Variants in RHBDL2 observed in about 807,000 individuals in gnomAD.
RHBDL2 encodes rhomboid like 2, also known as rhomboid-related protein 2.
RHBDL2 carries 26 observed loss-of-function variants against 31.7 expected under a neutral mutation model. The ratio of observed to expected loss-of-function variants is 0.82; its 90% CI spans 0.60 to 1.14. The LOEUF (loss-of-function observed/expected upper bound fraction) is 1.14. Among genes scored for constraint, RHBDL2 ranks in the 50% most tolerant of loss-of-function variants. RHBDL2 has a pLI of 0.00. For synonymous variants in RHBDL2, 123 were observed against 127.2 expected (o/e 0.97, Z 0.22); for missense variants, 336 against 364.4 (o/e 0.92, Z 0.63).
chr1:38,897,665 T>C (rs1570916088), intron 4 of RHBDL2, among the ~76,000 whole-genome samples: 1 of 152,108 alleles, frequency 6.6e-6, no homozygotes, highest in East Asian at 1.9e-4. Context: ...CAGTGAGCTA[T>C]CATCGTGCCA....
chr1:38,886,202 G>A lies in RHBDL2; in HGVS notation c.*302C>T, dbSNP rs773362650. 6 of 170,102 alleles carry A rather than the reference G, an allele frequency of 3.5e-5. No individual in the cohort carries two copies. Among genetic ancestry groups the A allele is most frequent in the Admixed American group, 6.3e-5 (1 of 15,778 alleles). The allele number at this position is 170,102 out of a possible 1,614,324, so 10.5% of individuals were successfully genotyped here. Reference sequence around the variant, plus strand: ...CTCATGACCTCAGGTGATTTCACCCGCCTCAGCCTCCCAAAGTGCTGGGAT... The same window carrying A: ...CTCATGACCTCAGGTGATTTCACCCACCTCAGCCTCCCAAAGTGCTGGGAT... On this transcript the variant is annotated 3_prime_UTR_variant, in exon 8 of 8. Transcript: ENST00000372990.
intron 6 of RHBDL2, among the ~76,000 whole-genome samples, chr1:38,892,405 C>A (rs1156649504): frequency 6.6e-6 from 1 of 152,088 alleles, no homozygotes; most frequent in Non-Finnish European, 1.5e-5. Context: ...TATTGTGGTT[C>A]AAGTAGAGGG....
intron 4 of RHBDL2, among the ~76,000 whole-genome samples, chr1:38,903,511 G>A (rs1278819564): frequency 6.6e-6 from 1 of 152,072 alleles, no homozygotes; most frequent in Non-Finnish European, 1.5e-5. Flanking sequence ...AGATAAATCT[G>A]ACCAAAAACT....
chr1:38,936,812 T>A (rs1286514754), intron 1 of RHBDL2, among the ~76,000 whole-genome samples: 1 of 151,810 alleles, frequency 6.6e-6, no homozygotes, highest in East Asian at 1.9e-4. Context: ...TTTTGTATTT[T>A]TAGTAGAGAC....
chr1:38,927,894 C>T (rs1643395425), intron 1 of RHBDL2, among the ~76,000 whole-genome samples: 1 of 152,076 alleles, frequency 6.6e-6, no homozygotes. Flanking sequence ...AAGTAACTTA[C>T]TCAAGGTCTC....
At chr1:38,895,943 G>C in intron 5 of RHBDL2, 26 bp downstream of exon 5, 1 of 1,464,488 alleles carries the variant, frequency 6.8e-7, no homozygotes, top group Non-Finnish European at 9.5e-7. Flanking sequence ...TAAGAGACTC[G>C]TGGACTCCAT....
At chr1:38,939,619 C>G (rs994590409) in intron 1 of RHBDL2, among the ~76,000 whole-genome samples, 2 of 152,130 alleles carry the variant, frequency 1.3e-5, no homozygotes, top group African/African-American at 4.8e-5. Context: ...CGCCACTGCA[C>G]TCCAGCCTGG....
rs547790628 is a variant in RHBDL2, at chr1:38,920,607, C to CTT, written c.-125-1272_-125-1271dup. Among the ~76,000 whole-genome samples, 435 of 129,046 alleles carry CTT rather than the reference C, an allele frequency of 3.4e-3. 5 individuals are homozygous for CTT. The highest frequency in any genetic ancestry group is 0.011 in the African/African-American group (402 of 35,530). 84.7% of individuals were successfully genotyped at this position (129,046 alleles called of 152,430 possible). A position where few individuals can be genotyped will look rare whatever the true frequency, so the allele number is the denominator to read the frequency against. On this transcript the variant is annotated intron_variant, in intron 1 of 7. Coordinates refer to ENST00000372990, the MANE Select transcript of RHBDL2 (RefSeq NM_017821.5). ...GTGAACATCCCTGTACAAGTTTTCT[C>CTT]TTTTTTTTTTTTTTTTTGAGACAGA...
In RHBDL2 at chr1:38,891,145, T is replaced by C. The variant is rs1642848658; in HGVS notation, c.670+2019A>G. Reference sequence around the variant, plus strand: ...TTAGCCAGGCATGGTGGCATGCACCTGTTGACAGGAGAGGCTGAGACAGGA... The same window carrying C: ...TTAGCCAGGCATGGTGGCATGCACCCGTTGACAGGAGAGGCTGAGACAGGA... On this transcript the variant is annotated intron_variant, in intron 6 of 7. Coordinates refer to ENST00000372990, the MANE Select transcript of RHBDL2 (RefSeq NM_017821.5). 2.7e-5 allele frequency among the ~76,000 whole-genome samples: 4 copies of C among 150,484 alleles called. No homozygotes were observed. The Admixed American group carries it at 2.7e-4, about 10-fold the overall frequency.
intron 6 of RHBDL2, among the ~76,000 whole-genome samples, chr1:38,892,200 A>T (rs3790443): frequency 0.13 from 18,947 of 150,536 alleles, 1,527 homozygotes; most frequent in Non-Finnish European, 0.18. Flanking sequence ...CGCTCCCCCA[A>T]CTCTCTATCA....
rs781660441 is a variant in RHBDL2 at position 38,919,375 on chromosome 1, T to C, written c.-125-38A>G. The C allele has an allele frequency of 2.0e-6, 3 of 1,520,886 alleles. No individual in the cohort carries two copies. In the East Asian group the frequency reaches 6.9e-5, roughly 35 times the overall value. The allele number at this position is 1,520,886 out of a possible 1,614,324, so 94.2% of individuals were successfully genotyped here. On this transcript the variant is annotated intron_variant, in intron 1 of 7. Transcript: ENST00000372990. The stretch of plus-strand genomic sequence containing the variant: ...AGAAGACAGCTGAAGATGATCAAAA[T>C]GATCTAAACCTCCTAAATGGCCCAA...
At chr1:38,928,899 A>G (rs1643409656) in intron 1 of RHBDL2, among the ~76,000 whole-genome samples, 1 of 151,844 alleles carries the variant, frequency 6.6e-6, no homozygotes, top group African/African-American at 2.4e-5. Flanking sequence ...TTTCTCTACA[A>G]AAAAAAATTA....
intron 1 of RHBDL2, among the ~76,000 whole-genome samples, chr1:38,928,091 C>G (rs1223300163): frequency 6.6e-6 from 1 of 151,180 alleles, no homozygotes; most frequent in African/African-American, 2.4e-5. Context: ...GATCCTGTCT[C>G]TGAAATAAAT....
intron 3 of RHBDL2, among the ~76,000 whole-genome samples, chr1:38,912,910 A>ATATATATATATGTGTGTG (rs1399583863): frequency 8.0e-4 from 33 of 41,364 alleles, no homozygotes; most frequent in African/African-American, 3.0e-3. Context: ...ATATATATAT[A>ATATATATATATGTGTGTG]TGTGTGTGTG....
In RHBDL2 at chr1:38,911,338, C is replaced by T; in HGVS notation, c.492G>A (p.Leu164=). The change falls in exon 4 of 8, where the codon CTG becomes CTA. Residue 164 remains leucine, a synonymous_variant. Transcript: ENST00000372990. ...HKGLRVGLVY[L]AGVIAGSLAS... ...AACACTGACCTGCAATCACTCCTGCCAGGTACACCAGCCCCACACGGAGGC... is the reference window on the plus strand; with the variant it reads ...AACACTGACCTGCAATCACTCCTGCTAGGTACACCAGCCCCACACGGAGGC... 1 of 1,612,548 alleles carries T rather than the reference C, an allele frequency of 6.2e-7. No individual in the cohort carries two copies. Among genetic ancestry groups the T allele is most frequent in the East Asian group, 2.2e-5 (1 of 44,862 alleles).
rs544803360 is a variant in RHBDL2, at chr1:38,916,939, A to G, written c.247-1229T>C. Among the ~76,000 whole-genome samples the G allele has an allele frequency of 5.9e-5, 9 of 151,992 alleles. No homozygotes were observed. In the South Asian group the frequency reaches 1.7e-3, roughly 28 times the overall value. ...GAGATTATCCTGGGTTTGAAAAAAAAGAAAAAAATACAATGTACTATGGAA... is the reference window on the plus strand; with the variant it reads ...GAGATTATCCTGGGTTTGAAAAAAAGGAAAAAAATACAATGTACTATGGAA... On this transcript the variant is annotated intron_variant, in intron 2 of 7. Coordinates refer to ENST00000372990, the MANE Select transcript of RHBDL2 (RefSeq NM_017821.5).
chr1:38,920,930 C>T (rs1643305851), intron 1 of RHBDL2, among the ~76,000 whole-genome samples: 1 of 150,978 alleles, frequency 6.6e-6, no homozygotes, highest in South Asian at 2.2e-4. Flanking sequence ...TTTCTTTAAA[C>T]ATCAGTTTCC....
At chr1:38,926,159 G>A (rs1178397324) in intron 1 of RHBDL2, 1 of 1,078,430 alleles carries the variant, frequency 9.3e-7, no homozygotes, top group Non-Finnish European at 1.1e-6. Context: ...TGACCAATCA[G>A]CTGCATTTGC....
chr1:38,928,141 C>CTTTT (rs1209464598), intron 1 of RHBDL2, among the ~76,000 whole-genome samples: 21 of 130,352 alleles, frequency 1.6e-4, no homozygotes, highest in South Asian at 2.5e-4. Flanking sequence ...TTTTTTCTTT[C>CTTTT]TTTTTTTTTT....
Sources: gnomAD v4.1 joint callset for allele counts (sites outside exome capture counted in the v4.1 genomes callset) on GRCh38, gnomAD v4.1.1 for gene constraint, MANE v1.5 for transcripts, NCBI Gene and HGNC (gene_info 2026-07-23, HGNC 2026-07-21) for gene names.